The following PIGN variants were observed in gnomAD, a reference collection of about 807,000 sequenced individuals.
PIGN encodes GPI ethanolamine phosphate transferase 1.
PIGN carries 117 observed loss-of-function variants against 125.4 expected under a neutral mutation model. That is an observed-to-expected ratio of 0.93 (90% CI 0.80 to 1.09). PIGN has a LOEUF of 1.09. PIGN is among the 50% of genes least tolerant of loss of function. PIGN has a pLI of 0.00. For missense variants in PIGN, 1,075 were observed against 1,094.9 expected (o/e 0.98, Z 0.26); for synonymous variants, 392 against 377.8 (o/e 1.04, Z -0.44).
At chr18:62,115,009 A>G (rs1454445805) in intron 14 of PIGN, among the ~76,000 whole-genome samples, 1 of 152,208 alleles carries the variant, frequency 6.6e-6, no homozygotes, top group African/African-American at 2.4e-5. Flanking sequence ...CTCATGGCAG[A>G]CTTCACGTGA....
chr18:62,054,402 C>T (rs1360925897), intron 30 of PIGN, among the ~76,000 whole-genome samples: 1 of 149,372 alleles, frequency 6.7e-6, no homozygotes, highest in Non-Finnish European at 1.5e-5. Flanking sequence ...CTGTGAAGGG[C>T]CCTGTTAAGA....
chr18:62,121,581 T>C (rs906291500), intron 14 of PIGN, among the ~76,000 whole-genome samples: 1 of 151,712 alleles, frequency 6.6e-6, no homozygotes, highest in Non-Finnish European at 1.5e-5. Flanking sequence ...TTCCTATCTA[T>C]TTTTTTTAGC....
intron 17 of PIGN, among the ~76,000 whole-genome samples, chr18:62,108,833 C>G (rs2034760078): frequency 6.6e-6 from 1 of 152,190 alleles, no homozygotes; most frequent in African/African-American, 2.4e-5. Context: ...AGTGATCCAC[C>G]TGCCTTGGCC....
intron 30 of PIGN, among the ~76,000 whole-genome samples, chr18:62,071,863 C>CATATATATATATATATATATGT (rs2032872627): frequency 4.6e-4 from 36 of 77,606 alleles, no homozygotes; most frequent in African/African-American, 1.6e-3. Context: ...ACTCCTTTTC[C>CATATATATATATATATATATGT]ATATATATAT....
intron 30 of PIGN, among the ~76,000 whole-genome samples, chr18:62,046,494 C>T (rs1013247427): frequency 1.3e-5 from 2 of 149,974 alleles, no homozygotes; most frequent in African/African-American, 4.9e-5. Context: ...CTAGGTTGTG[C>T]ACTTCTTATG....
intron 25 of PIGN, among the ~76,000 whole-genome samples, chr18:62,086,469 T>C (rs1217614898): frequency 2.6e-5 from 4 of 151,900 alleles, no homozygotes; most frequent in South Asian, 4.2e-4. Context: ...ATACAAAAAT[T>C]AGCCGGTCCT....
intron 25 of PIGN, among the ~76,000 whole-genome samples, chr18:62,087,457 C>T (rs577320356): frequency 5.3e-5 from 8 of 152,002 alleles, no homozygotes; most frequent in African/African-American, 1.9e-4. Context: ...TAGAGGTTTG[C>T]GGATATGGCA....
At chr18:62,107,349 CTT>C in intron 17 of PIGN, 1 of 358,016 alleles carries the variant, frequency 2.8e-6, no homozygotes, top group Non-Finnish European at 5.2e-6. Flanking sequence ...AATCCCAGCA[CTT>C]TGGGAGGCTG....
At chr18:62,083,481 G>GAATAAA (rs2033546077) in intron 27 of PIGN, among the ~76,000 whole-genome samples, 1 of 152,056 alleles carries the variant, frequency 6.6e-6, no homozygotes, top group African/African-American at 2.4e-5. Context: ...AAGGACATAT[G>GAATAAA]AATAAAATAG....
intron 1 of PIGN, among the ~76,000 whole-genome samples, chr18:62,168,779 C>T (rs183038810): frequency 2.4e-4 from 37 of 151,590 alleles, no homozygotes; most frequent in African/African-American, 9.0e-4. Context: ...TCATAATGAA[C>T]AAACCCATCA....
At chr18:62,086,624 T>TG (rs1438536741) in intron 25 of PIGN, among the ~76,000 whole-genome samples, 2 of 151,582 alleles carry the variant, frequency 1.3e-5, no homozygotes, top group African/African-American at 4.9e-5. Flanking sequence ...TTTTGTTTTT[T>TG]TTTTTTTTTT....
At chr18:62,028,092 G>A (rs1285132997) in intron 23 of PIGN, among the ~76,000 whole-genome samples, 1 of 152,136 alleles carries the variant, frequency 6.6e-6, no homozygotes, top group African/African-American at 2.4e-5. Flanking sequence ...ACAATACATG[G>A]AATACCCTGC....
rs527738798 is a variant in PIGN at position 62,166,947 on chromosome 18, G to A, written c.-235-3291C>T. Among the ~76,000 whole-genome samples, 254 of 152,314 alleles carry A rather than the reference G, an allele frequency of 1.7e-3. 2 individuals carry two copies. The highest frequency in any genetic ancestry group is 1.8e-3 in the Non-Finnish European group (123 of 68,034). ...GAGAGCATTAGGGCAAATACCTAATGCATGCAGGTTTTAAAACCTAGATGA... is the reference window on the plus strand; with the variant it reads ...GAGAGCATTAGGGCAAATACCTAATACATGCAGGTTTTAAAACCTAGATGA... On this transcript the variant is annotated intron_variant, in intron 1 of 30. Transcript: ENST00000640252.
At chr18:62,126,344 T>C (rs1942441) in intron 14 of PIGN, among the ~76,000 whole-genome samples, 10,166 of 152,190 alleles carry the variant, frequency 0.067, 634 homozygotes, top group African/African-American at 0.16. Context: ...CTATAGTGTT[T>C]GCAAACTGAC....
In PIGN at chr18:62,044,110, G is replaced by C. The variant is rs2030493021; in HGVS notation, c.*1746C>G. ...CAAACTCCACAAACTCTATGATACT[G>C]TCAGAAGGAAGTTCAACCTATTCTA... On this transcript the variant is annotated 3_prime_UTR_variant, in exon 31 of 31. Transcript: ENST00000640252. 6.6e-6 allele frequency: 1 copy of C among 152,096 alleles called. No homozygotes were observed. The highest frequency in any genetic ancestry group is 6.5e-5 in the Admixed American group (1 of 15,272). The allele number at this position is 152,096 out of a possible 1,614,324, so 9.4% of individuals were successfully genotyped here. A position where few individuals can be genotyped will look rare whatever the true frequency, so the allele number is the denominator to read the frequency against.
At chr18:62,141,322 T>A (rs1309896859) in intron 11 of PIGN, among the ~76,000 whole-genome samples, 6 of 152,222 alleles carry the variant, frequency 3.9e-5, no homozygotes, top group Non-Finnish European at 7.3e-5. Context: ...ATAAAACTTA[T>A]AAAGTACCTG....
chr18:62,085,921 T>C (rs181069752), intron 25 of PIGN, among the ~76,000 whole-genome samples: 7 of 152,164 alleles, frequency 4.6e-5, no homozygotes, highest in Non-Finnish European at 8.8e-5. Context: ...TTCATTACCA[T>C]AGACACCCAC....
intron 30 of PIGN, among the ~76,000 whole-genome samples, chr18:62,065,722 C>T (rs575142572): frequency 4.1e-4 from 62 of 151,530 alleles, no homozygotes; most frequent in Middle Eastern, 3.4e-3. Context: ...GGTGACAGAG[C>T]GAGACTCCGT....
At chr18:62,071,893 T>G (rs1236243998) in intron 30 of PIGN, among the ~76,000 whole-genome samples, 1 of 133,336 alleles carries the variant, frequency 7.5e-6, no homozygotes, top group Non-Finnish European at 1.6e-5. Context: ...TATATATATA[T>G]ATATATATAT....
Sources: allele counts gnomAD v4.1 joint callset (sites outside exome capture counted in the v4.1 genomes callset), GRCh38; gene constraint gnomAD v4.1.1; transcripts MANE v1.5; gene names NCBI Gene and HGNC (gene_info 2026-07-23, HGNC 2026-07-21).